CACNA1C: variants seen among roughly 807,000 people sequenced by gnomAD.
CACNA1C encodes the protein voltage-dependent L-type calcium channel subunit alpha-1C.
In CACNA1C, 30 loss-of-function variants were observed where a neutral mutation model predicts 229.0. The ratio of observed to expected loss-of-function variants is 0.13; its 90% confidence interval spans 0.10 to 0.18. CACNA1C has a LOEUF of 0.18. Among genes scored for constraint, CACNA1C ranks in the 10% least tolerant of loss-of-function variants. CACNA1C has a pLI of 1.00. For synonymous variants in CACNA1C, 1,114 were observed against 1,132.5 expected (o/e 0.98, Z 0.33); for missense variants, 1,658 against 2,845.0 (o/e 0.58, Z 9.49).
chr12:2,105,524 A>AAT (rs2077913085), intron 1 of CACNA1C, among the ~76,000 whole-genome samples: 1 of 152,206 alleles, frequency 6.6e-6, no homozygotes, highest in Non-Finnish European at 1.5e-5. Context: ...AGGTAGGAGG[A>AAT]AGCGCAGTCA....
intron 3 of CACNA1C, among the ~76,000 whole-genome samples, chr12:2,265,694 A>C (rs1373212421): frequency 1.3e-5 from 2 of 152,176 alleles, no homozygotes; most frequent in Non-Finnish European, 2.9e-5. Flanking sequence ...CCCATGGTGC[A>C]ATGGAATGTG....
intron 9 of CACNA1C, among the ~76,000 whole-genome samples, chr12:2,518,607 CAAAA>C (rs749239155): frequency 9.7e-6 from 1 of 102,918 alleles, no homozygotes; most frequent in East Asian, 2.9e-4. Flanking sequence ...GACGCTGTCT[CAAAA>C]AAAAAAAAAA....
exon 1 of CACNA1C, chr12:1,970,948 C>T (rs1790456777): frequency 1.2e-5 from 6 of 493,836 alleles, no homozygotes; most frequent in Non-Finnish European, 1.9e-5. Flanking sequence ...TTTTGTGGCA[C>T]TGAAATGTTA....
intron 3 of CACNA1C, among the ~76,000 whole-genome samples, chr12:2,191,473 A>C (rs957077259): frequency 6.6e-5 from 10 of 152,102 alleles, no homozygotes; most frequent in African/African-American, 2.4e-4. Flanking sequence ...TTTGCTGTGG[A>C]TTAACCCAGA....
intron 9 of CACNA1C, among the ~76,000 whole-genome samples, chr12:2,515,670 G>A (rs1039118590): frequency 6.6e-6 from 1 of 152,202 alleles, no homozygotes; most frequent in Non-Finnish European, 1.5e-5. Context: ...AGGTGGGGCT[G>A]AGTGCAGTGC....
chr12:2,676,730 TAA>T (rs35552109), intron 39 of CACNA1C: 521 of 168,550 alleles, frequency 3.1e-3, no homozygotes, highest in South Asian at 7.4e-3. Context: ...TCAGTTCAGT[TAA>T]AAAAAAAAAA....
chr12:2,584,390 T>G, intron 15 of CACNA1C, 113 bp from the exon 16 acceptor site: 1 of 703,736 alleles, frequency 1.4e-6, no homozygotes. Flanking sequence ...TGCTTCCCCC[T>G]CAAGCTCTCT....
At chr12:2,582,129 C>A (rs1600985804) in intron 14 of CACNA1C, among the ~76,000 whole-genome samples, 1 of 150,788 alleles carries the variant, frequency 6.6e-6, no homozygotes. Context: ...CGGAGCAAGA[C>A]TCCGTCTCAA....
chr12:1,995,633 A>T (rs368429534), intron 1 of CACNA1C, among the ~76,000 whole-genome samples: 1 of 151,950 alleles, frequency 6.6e-6, no homozygotes, highest in Non-Finnish European at 1.5e-5. Context: ...CCTGCAGCTG[A>T]GCTCCCTCCT....
At chr12:2,291,368 A>C (rs541796602) in intron 3 of CACNA1C, among the ~76,000 whole-genome samples, 1 of 152,122 alleles carries the variant, frequency 6.6e-6, no homozygotes, top group East Asian at 1.9e-4. Context: ...TCCGCCGCAG[A>C]ATTTGCCTGC....
At position 2,486,367 on chromosome 12, in the gene CACNA1C, G is replaced by A; in HGVS notation, c.916+105G>A. Reference sequence around the variant, plus strand: ...ACATGACCAGCAGAGCCCAGGGAAGGCCCCATTCATTCAGACACACACTGG... The same window carrying A: ...ACATGACCAGCAGAGCCCAGGGAAGACCCCATTCATTCAGACACACACTGG... On this transcript the variant is annotated intron_variant, in intron 6 of 46. Coordinates refer to ENST00000399655, the MANE Select transcript of CACNA1C (RefSeq NM_000719.7). This position sits in a 1 kb window ranked among gnomAD's most constrained non-coding sequence, Gnocchi z 4.9. 3.3e-6 allele frequency: 3 copies of A among 910,010 alleles called. No individual in the cohort carries two copies. The highest frequency in any genetic ancestry group is 4.9e-6 in the Non-Finnish European group (3 of 611,602). 56.4% of individuals were successfully genotyped at this position (910,010 alleles called of 1,614,324 possible).
Position 2,605,074 on chromosome 12 carries a change from C to T in CACNA1C, c.2961-7C>T. The T allele has an allele frequency of 6.2e-7, 1 of 1,611,654 alleles. No individual in the cohort carries two copies. Among genetic ancestry groups the T allele is most frequent in the Non-Finnish European group, 8.5e-7 (1 of 1,177,728 alleles). On this transcript the variant is annotated splice_region_variant and splice_polypyrimidine_tract_variant and intron_variant, in intron 22 of 46. Coordinates refer to ENST00000399655, the MANE Select transcript of CACNA1C (RefSeq NM_000719.7). This position sits in a 1 kb window ranked among gnomAD's most constrained non-coding sequence, Gnocchi z 6.2. ...AGCTTACTACCCTGCCTGTTTCCCT[C>T]TCCCAGGTCCAGTGCAATCAATGTC...
intron 3 of CACNA1C, among the ~76,000 whole-genome samples, chr12:2,429,774 T>C (rs992094641): frequency 6.6e-6 from 1 of 152,168 alleles, no homozygotes; most frequent in Admixed American, 6.5e-5. Flanking sequence ...CGTGATATTC[T>C]ATGGGCCAAA....
At chr12:2,095,169 C>CA (rs1184796007) in intron 1 of CACNA1C, among the ~76,000 whole-genome samples, 1 of 152,202 alleles carries the variant, frequency 6.6e-6, no homozygotes, top group Non-Finnish European at 1.5e-5. Flanking sequence ...GTAATTCACT[C>CA]AATGTGCTTG....
intron 3 of CACNA1C, among the ~76,000 whole-genome samples, chr12:2,341,644 C>A (rs2096868093): frequency 6.6e-6 from 1 of 152,170 alleles, no homozygotes; most frequent in African/African-American, 2.4e-5. Context: ...GTGGGTTTGT[C>A]CTCTGTTTAG....
intron 9 of CACNA1C, among the ~76,000 whole-genome samples, chr12:2,543,897 C>T (rs570962044): frequency 8.7e-4 from 132 of 152,248 alleles, no homozygotes; most frequent in African/African-American, 3.0e-3. Context: ...GCATGGAAGG[C>T]GTCAATGTTC....
In CACNA1C at chr12:2,649,218, A is replaced by C. The variant is rs2094661791; in HGVS notation, c.3945+711A>C. Reference sequence around the variant, plus strand: ...AGGAGTCTCTGATTCGCGTTGGTTGAAGTGATAAAAGAGACGCCATTCAGT... The same window carrying C: ...AGGAGTCTCTGATTCGCGTTGGTTGCAGTGATAAAAGAGACGCCATTCAGT... On this transcript the variant is annotated intron_variant, in intron 31 of 46. Coordinates refer to ENST00000399655, the MANE Select transcript of CACNA1C (RefSeq NM_000719.7). This position sits in a 1 kb window ranked among gnomAD's most constrained non-coding sequence, Gnocchi z 4.4. Among the ~76,000 whole-genome samples, 1 of 152,206 alleles carries C rather than the reference A, an allele frequency of 6.6e-6. No homozygotes were observed. Among genetic ancestry groups the C allele is most frequent in the Non-Finnish European group, 1.5e-5 (1 of 68,034 alleles).
chr12:2,253,892 A>G (rs928069012), intron 3 of CACNA1C, among the ~76,000 whole-genome samples: 2 of 152,172 alleles, frequency 1.3e-5, no homozygotes, highest in African/African-American at 4.8e-5. Flanking sequence ...TGCCTGATTT[A>G]TGGGATCACT....
intron 3 of CACNA1C, among the ~76,000 whole-genome samples, chr12:2,342,297 T>A (rs2096887840): frequency 6.6e-6 from 1 of 152,174 alleles, no homozygotes; most frequent in South Asian, 2.1e-4. Context: ...CCTTTTCTTT[T>A]CCCTGCCCTG....
Sources: gnomAD v4.1 joint callset for allele counts (sites outside exome capture counted in the v4.1 genomes callset) on GRCh38, gnomAD v4.1.1 for gene constraint, Gnocchi (gnomAD v3.1) non-coding constraint, MANE v1.5 for transcripts, NCBI Gene and HGNC (gene_info 2026-07-23, HGNC 2026-07-21) for gene names.